Variants in CNTN5 observed in about 807,000 individuals in gnomAD.
CNTN5 encodes the protein contactin 5.
CNTN5 carries 77 observed loss-of-function variants against 129.1 expected under a neutral mutation model. That is an observed-to-expected ratio of 0.60 (90% confidence interval 0.50 to 0.72). The LOEUF is 0.72. CNTN5 is among the 30% of genes least tolerant of loss of function. The pLI is 0.00. For synonymous variants in CNTN5, 509 were observed against 465.6 expected (o/e 1.09, Z -1.20); for missense variants, 1,478 against 1,328.8 (o/e 1.11, Z -1.75).
intron 7 of CNTN5, among the ~76,000 whole-genome samples, chr11:99,954,032 G>T (rs1950738507): frequency 1.3e-5 from 2 of 152,000 alleles, no homozygotes; most frequent in African/African-American, 4.8e-5. Flanking sequence ...TGTAAGCAAG[G>T]GGTCCAGGTT....
intron 13 of CNTN5, among the ~76,000 whole-genome samples, chr11:100,148,962 C>T (rs77068525): frequency 2.6e-5 from 4 of 151,874 alleles, no homozygotes; most frequent in Admixed American, 6.6e-5. Context: ...ACTTGATGAA[C>T]ATATTAGTCG....
At chr11:99,333,379 T>C (rs1482132078) in intron 2 of CNTN5, among the ~76,000 whole-genome samples, 1 of 152,008 alleles carries the variant, frequency 6.6e-6, no homozygotes, top group Non-Finnish European at 1.5e-5. Context: ...CTTATACTTA[T>C]AAATTCTCAT....
At position 99,323,098 on chromosome 11, in the gene CNTN5, C is replaced by T. The variant is rs554100065; in HGVS notation, c.-209-2248C>T. 2.6e-5 allele frequency among the ~76,000 whole-genome samples: 4 copies of T among 152,230 alleles called. No homozygotes were observed. In the East Asian group the frequency reaches 7.7e-4, roughly 29 times the overall value. Reference sequence around the variant, plus strand: ...TCATAAAGTGTAACTTGAGGAATAACAACTAACATATGTAAAACTTTCAGT... The same window carrying T: ...TCATAAAGTGTAACTTGAGGAATAATAACTAACATATGTAAAACTTTCAGT... On this transcript the variant is annotated intron_variant, in intron 1 of 24. Coordinates refer to ENST00000524871, the MANE Select transcript of CNTN5 (RefSeq NM_014361.4).
intron 7 of CNTN5, among the ~76,000 whole-genome samples, chr11:99,941,848 A>C (rs980867831): frequency 8.5e-5 from 13 of 152,128 alleles, no homozygotes; most frequent in African/African-American, 3.1e-4. Flanking sequence ...GTTGTAGTTA[A>C]AAAGAGTCAG....
At chr11:99,097,777 C>T (rs1866545550) in intron 1 of CNTN5, among the ~76,000 whole-genome samples, 2 of 151,830 alleles carry the variant, frequency 1.3e-5, no homozygotes, top group Non-Finnish European at 2.9e-5. Flanking sequence ...ATGCTAATGT[C>T]TTTCCTACAT....
chr11:99,777,118 A>G (rs1278850816), intron 3 of CNTN5, among the ~76,000 whole-genome samples: 2 of 151,928 alleles, frequency 1.3e-5, no homozygotes, highest in African/African-American at 2.4e-5. Context: ...TAAAGAAATT[A>G]AGTTGAACAG....
At chr11:99,098,758 A>C (rs17565290) in intron 1 of CNTN5, among the ~76,000 whole-genome samples, 38,339 of 151,918 alleles carry the variant, frequency 0.25, 5,187 homozygotes, top group Middle Eastern at 0.32. Flanking sequence ...TAGCATGCTT[A>C]AGTTTCCCAT....
At chr11:99,868,680 G>A (rs118147543) in intron 6 of CNTN5, among the ~76,000 whole-genome samples, 1 of 152,300 alleles carries the variant, frequency 6.6e-6, no homozygotes, top group Non-Finnish European at 1.5e-5. Flanking sequence ...ATGGAAGTAG[G>A]AAGTGGTAAA....
At chr11:99,529,745 C>T (rs926800198) in intron 2 of CNTN5, among the ~76,000 whole-genome samples, 8 of 151,438 alleles carry the variant, frequency 5.3e-5, no homozygotes, top group Non-Finnish European at 1.2e-4. Context: ...ATTTTTAGAA[C>T]ACAATATAAA....
chr11:99,786,133 A>G (rs2135411950), intron 3 of CNTN5, among the ~76,000 whole-genome samples: 1 of 152,266 alleles, frequency 6.6e-6, no homozygotes, highest in Non-Finnish European at 1.5e-5. Context: ...AATCTCCTTA[A>G]GCTGATAAGC....
At chr11:100,296,159 C>T (rs570522) in intron 18 of CNTN5, among the ~76,000 whole-genome samples, 10,196 of 151,302 alleles carry the variant, frequency 0.067, 451 homozygotes, top group African/African-American at 0.14. Flanking sequence ...TAACATTGAG[C>T]AGAAAATAAA....
chr11:100,000,653 G>A (rs1440704605), intron 8 of CNTN5, among the ~76,000 whole-genome samples: 1 of 152,168 alleles, frequency 6.6e-6, no homozygotes, highest in South Asian at 2.1e-4. Context: ...ACACTGTGTG[G>A]AGGCTCCAAC....
intron 4 of CNTN5, among the ~76,000 whole-genome samples, chr11:99,838,351 A>G (rs1391693850): frequency 6.6e-6 from 1 of 152,162 alleles, no homozygotes; most frequent in Non-Finnish European, 1.5e-5. Flanking sequence ...TATTTTCTCC[A>G]GTATCACTCT....
At chr11:99,420,682 C>T (rs1450254498) in intron 2 of CNTN5, among the ~76,000 whole-genome samples, 1 of 152,046 alleles carries the variant, frequency 6.6e-6, no homozygotes, top group Non-Finnish European at 1.5e-5. Context: ...TGTTGAATGC[C>T]TGATAAATTG....
intron 2 of CNTN5, among the ~76,000 whole-genome samples, chr11:99,496,119 G>T: frequency 6.6e-6 from 1 of 152,136 alleles, no homozygotes; most frequent in East Asian, 1.9e-4. Context: ...GAGATTAGGA[G>T]TCAGTGATTC....
intron 13 of CNTN5, among the ~76,000 whole-genome samples, chr11:100,133,793 C>A (rs905876453): frequency 2.6e-5 from 4 of 151,928 alleles, no homozygotes; most frequent in African/African-American, 9.7e-5. Flanking sequence ...GGGAGGTTAC[C>A]GAGGGTAAGT....
At chr11:99,972,627 A>G (rs1418487955) in intron 8 of CNTN5, among the ~76,000 whole-genome samples, 3 of 152,224 alleles carry the variant, frequency 2.0e-5, no homozygotes, top group Non-Finnish European at 2.9e-5. Context: ...AGTGACCTTG[A>G]AAAGCAGAGT....
intron 1 of CNTN5, among the ~76,000 whole-genome samples, chr11:99,229,844 C>T (rs1860895124): frequency 6.6e-6 from 1 of 151,806 alleles, no homozygotes; most frequent in African/African-American, 2.4e-5. Context: ...CTTCTGTCAA[C>T]ATGGTTTGCT....
At chr11:99,083,844 C>T (rs766543271) in intron 1 of CNTN5, among the ~76,000 whole-genome samples, 5 of 152,128 alleles carry the variant, frequency 3.3e-5, no homozygotes, top group Non-Finnish European at 7.4e-5. Flanking sequence ...CGCACCAGGC[C>T]CTTGAGGCCT....
Sources: gnomAD v4.1 joint callset for allele counts (sites outside exome capture counted in the v4.1 genomes callset) on GRCh38, gnomAD v4.1.1 for gene constraint, MANE v1.5 for transcripts, NCBI Gene and HGNC (gene_info 2026-07-23, HGNC 2026-07-21) for gene names.